ANK3: variants seen among roughly 807,000 people sequenced by gnomAD.
ANK3 encodes the protein ankyrin-3.
In ANK3, 57 loss-of-function variants were observed where a neutral mutation model predicts 370.9. That is an observed-to-expected ratio of 0.15 (90% CI 0.12 to 0.19). The LOEUF (loss-of-function observed/expected upper bound fraction) is 0.19. Ranked by LOEUF, ANK3 falls within the 10% of genes least tolerant of loss-of-function variation. ANK3 has a pLI of 1.00. For synonymous variants in ANK3, 1,929 were observed against 1,946.3 expected (o/e 0.99, Z 0.23); for missense variants, 4,439 against 5,302.1 (o/e 0.84, Z 5.06).
At chr10:60,335,059 A>G (rs546448345) in intron 1 of ANK3, among the ~76,000 whole-genome samples, 1 of 152,224 alleles carries the variant, frequency 6.6e-6, no homozygotes, top group Admixed American at 6.5e-5. Flanking sequence ...ATTTCAACTT[A>G]CACCATGTTG....
intron 2 of ANK3, among the ~76,000 whole-genome samples, chr10:60,486,617 A>G (rs2075355793): frequency 6.6e-6 from 1 of 152,182 alleles, no homozygotes; most frequent in South Asian, 2.1e-4. Flanking sequence ...ATTTGTAACA[A>G]AATTGTGGTC....
intron 1 of ANK3, among the ~76,000 whole-genome samples, chr10:60,356,289 G>A (rs4948410): frequency 0.73 from 110,729 of 152,168 alleles, 40,810 homozygotes; most frequent in South Asian, 0.91. Flanking sequence ...GATTTCTAAA[G>A]TCATCTGGGA....
At chr10:60,688,644 G>A (rs2079303456) in intron 1 of ANK3, among the ~76,000 whole-genome samples, 1 of 152,182 alleles carries the variant, frequency 6.6e-6, no homozygotes, top group Admixed American at 6.5e-5. Flanking sequence ...CCAAGGCAAG[G>A]CAGCTATTAA....
intron 2 of ANK3, among the ~76,000 whole-genome samples, chr10:60,427,848 C>G (rs2063924235): frequency 6.6e-6 from 1 of 152,130 alleles, no homozygotes; most frequent in Non-Finnish European, 1.5e-5. Context: ...GACTAGAACC[C>G]AGATTTTCTG....
intron 2 of ANK3, among the ~76,000 whole-genome samples, chr10:60,549,006 G>C (rs976410740): frequency 1.6e-4 from 24 of 151,998 alleles, no homozygotes; most frequent in Admixed American, 3.9e-4. Flanking sequence ...AATATTGTGG[G>C]CATTTCCAAT....
At chr10:60,421,798 C>T (rs532829208) in intron 2 of ANK3, among the ~76,000 whole-genome samples, 2 of 152,086 alleles carry the variant, frequency 1.3e-5, no homozygotes, top group South Asian at 4.2e-4. Context: ...GCATTTGTAT[C>T]CTCCTTCAGA....
intron 1 of ANK3, among the ~76,000 whole-genome samples, chr10:60,319,919 A>G (rs985665911): frequency 1.3e-5 from 2 of 152,206 alleles, no homozygotes; most frequent in African/African-American, 4.8e-5. Flanking sequence ...ATTCCAGACA[A>G]GAGTTTCTCA....
chr10:60,675,117 A>G (rs2079108616), intron 1 of ANK3, among the ~76,000 whole-genome samples: 1 of 152,232 alleles, frequency 6.6e-6, no homozygotes, highest in Non-Finnish European at 1.5e-5. Context: ...AAGAGTTATG[A>G]GCATAAAACA....
intron 1 of ANK3, among the ~76,000 whole-genome samples, chr10:60,615,739 T>C (rs2078259471): frequency 6.6e-6 from 1 of 152,330 alleles, no homozygotes; most frequent in Admixed American, 6.5e-5. Flanking sequence ...GCAAGGCTTG[T>C]AAAGCCAAAA....
upstream of ANK3, among the ~76,000 whole-genome samples, chr10:60,391,583 A>G (rs1372664187): frequency 2.0e-5 from 3 of 152,240 alleles, no homozygotes; most frequent in Non-Finnish European, 2.9e-5. Context: ...TGAAGAGAAC[A>G]GCCAGCTAAA....
intron 1 of ANK3, among the ~76,000 whole-genome samples, chr10:60,296,794 T>C (rs557921404): frequency 2.0e-5 from 3 of 151,982 alleles, no homozygotes; most frequent in Admixed American, 6.6e-5. Context: ...GGGCTGAACA[T>C]AGTGGGGCCC....
chr10:60,397,131 C>A (rs1281873071), intron 2 of ANK3, among the ~76,000 whole-genome samples: 1 of 150,042 alleles, frequency 6.7e-6, no homozygotes, highest in Non-Finnish European at 1.5e-5. Flanking sequence ...TATAAGAAAG[C>A]AAAGGATCTT....
intron 2 of ANK3, among the ~76,000 whole-genome samples, chr10:60,560,537 T>C (rs1007902491): frequency 1.3e-5 from 2 of 152,208 alleles, no homozygotes; most frequent in Non-Finnish European, 2.9e-5. Flanking sequence ...ACATTTAACT[T>C]TAATTTTTAA....
chr10:60,469,282 T>TGTATATATATATATATACCACTTTTA (rs1567067047), intron 2 of ANK3, among the ~76,000 whole-genome samples: 4 of 3,590 alleles, frequency 1.1e-3, no homozygotes, highest in East Asian at 4.4e-3. Context: ...CCATTTTTAG[T>TGTATATATATATATATACCACTTTTA]GTGTGTATAT....
intron 2 of ANK3, among the ~76,000 whole-genome samples, chr10:60,522,583 G>T (rs2076373182): frequency 6.6e-6 from 1 of 151,878 alleles, no homozygotes; most frequent in South Asian, 2.1e-4. Context: ...TAACCTGCTG[G>T]GTTCCAGATC....
chr10:60,302,428 TTATTA>T (rs1356370494), intron 1 of ANK3, among the ~76,000 whole-genome samples: 1 of 152,200 alleles, frequency 6.6e-6, no homozygotes, highest in Non-Finnish European at 1.5e-5. Flanking sequence ...CAGCTATTCA[TTATTA>T]TAATATCAGA....
In ANK3 at chr10:60,086,713, T is replaced by C. The variant is rs886521612; in HGVS notation, c.3712A>G (p.Thr1238Ala). 2.5e-6 allele frequency: 4 copies of C among 1,613,678 alleles called. No homozygotes were observed. Among genetic ancestry groups the C allele is most frequent in the African/African-American group, 2.7e-5 (2 of 74,966 alleles). Residue 1238 changes from threonine (T) to alanine (A), a missense_variant, in exon 30 of 44, where the codon ACT becomes GCT. Physicochemically the swap from Thr to Ala is moderately conservative, Grantham distance 58. This residue lies in a region of ANK3 where 702 missense variants were observed against 941.5 expected (regional missense o/e 0.75). Coordinates refer to ENST00000280772, the MANE Select transcript of ANK3 (RefSeq NM_020987.5). ...EGVSNGYKGD[T>A]TPNLRLLCSI... ...CAGAGAAGACGCAGATTGGGTGTAG[T>C]GTCCCCTTTGTATCCATTGGATACA... is the stretch of plus-strand genomic sequence containing the variant.
intron 2 of ANK3, among the ~76,000 whole-genome samples, chr10:60,469,291 A>ATATATATACCACTTTTAGTG (rs1567067136): frequency 0.013 from 2 of 158 alleles, 1 homozygote; most frequent in Non-Finnish European, 0.026. Context: ...GTGTGTGTAT[A>ATATATATACCACTTTTAGTG]TATATATATA....
chr10:60,646,683 A>T lies in ANK3; in HGVS notation c.58-31459T>A, dbSNP rs545672432. On this transcript the variant is annotated intron_variant, in intron 1 of 43. Coordinates refer to the ANK3 transcript ENST00000373827. ...AAGAAGGATGTCAGAGATTACCGTG[A>T]CCTGAGGAACCCCAACATTTAGCTC... is the stretch of plus-strand genomic sequence containing the variant. Among the ~76,000 whole-genome samples the T allele has an allele frequency of 2.6e-5, 4 of 152,298 alleles. No individual in the cohort carries two copies. The East Asian group carries it at 7.7e-4, about 29-fold the overall frequency.
Sources: allele counts gnomAD v4.1 joint callset (sites outside exome capture counted in the v4.1 genomes callset), GRCh38; gene constraint gnomAD v4.1.1; regional missense constraint gnomAD v4.1.1; transcripts MANE v1.5; gene names NCBI Gene and HGNC (gene_info 2026-07-23, HGNC 2026-07-21).